The following CAPN3 variants were observed in gnomAD, a reference collection of about 807,000 sequenced individuals.
CAPN3 encodes calpain-3.
A neutral mutation model predicts 114.0 loss-of-function variants in CAPN3; 88 were observed. The observed-to-expected ratio is 0.77, with a 90% confidence interval of 0.65 to 0.92. The LOEUF is 0.92. Ranked by LOEUF, CAPN3 falls within the 40% of genes least tolerant of loss-of-function variation. The probability of loss-of-function intolerance (pLI) is 0.00; values close to 1 mark genes in which losing one functional copy is unlikely to be tolerated. For synonymous variants in CAPN3, 386 were observed against 382.9 expected, an observed-to-expected ratio of 1.01 and a Z score of -0.09; for missense variants, 1,028 against 1,069.0, an observed-to-expected ratio of 0.96 and a Z score of 0.53.
Position 42,409,381 on chromosome 15 carries a change from G to A in CAPN3, c.1992+1G>A. 1 of 1,613,882 alleles carries A rather than the reference G, an allele frequency of 6.2e-7. No homozygotes were observed. The highest frequency in any genetic ancestry group is 1.3e-5 in the African/African-American group (1 of 75,048). The stretch of plus-strand genomic sequence containing the variant: ...CATTTTCAAGCAGATAGCAGGAGAT[G>A]TGAGTACCTCCAAGCCCAGGACGCC... On this transcript the variant is annotated splice_donor_variant, in intron 17 of 23. Transcript: ENST00000397163. LOFTEE classifies it high-confidence loss of function.
chr15:42,401,475 C>CG (rs1195603752), intron 10 of CAPN3, among the ~76,000 whole-genome samples, 166 bp from the exon 11 acceptor site: 4 of 30,660 alleles, frequency 1.3e-4, no homozygotes, highest in Admixed American at 9.7e-4. Flanking sequence ...AAGGTAGCGC[C>CG]CCCCCCCCCC....
chr15:42,401,081 C>T (rs1215514537), intron 10 of CAPN3, among the ~76,000 whole-genome samples: 1 of 151,876 alleles, frequency 6.6e-6, no homozygotes, highest in East Asian at 1.9e-4. Flanking sequence ...GTAATCCCAG[C>T]TACTTGGGAG....
chr15:42,376,028 A>G (rs1269322377), intron 1 of CAPN3, among the ~76,000 whole-genome samples: 3 of 152,182 alleles, frequency 2.0e-5, no homozygotes, highest in African/African-American at 4.8e-5. Flanking sequence ...ATGACCCTCA[A>G]TTGGCATTTG....
At chr15:42,402,156 A>C in intron 12 of CAPN3, 21 bp downstream of exon 12, 1 of 1,614,066 alleles carries the variant, frequency 6.2e-7, no homozygotes, top group Non-Finnish European at 8.5e-7. Context: ...AGCAGCGGCC[A>C]GCAGTTGTGT....
intron 2 of CAPN3, 70 bp downstream of exon 2, chr15:42,384,622 A>G (rs1170834123): frequency 9.0e-7 from 1 of 1,106,382 alleles, no homozygotes; most frequent in Non-Finnish European, 1.4e-6. Context: ...ATCCCCTTCC[A>G]GGAGGTAAAG....
At chr15:42,403,366 G>A (rs779697576) in intron 13 of CAPN3, among the ~76,000 whole-genome samples, 2 of 152,186 alleles carry the variant, frequency 1.3e-5, no homozygotes, top group Admixed American at 6.5e-5. Context: ...GGGATAGGAG[G>A]TGTTGGGGAT....
intron 1 of CAPN3, among the ~76,000 whole-genome samples, chr15:42,379,036 G>A (rs1255599215): frequency 3.3e-5 from 5 of 152,108 alleles, no homozygotes; most frequent in Admixed American, 6.5e-5. Flanking sequence ...ATTGGTTGCC[G>A]GACGCAGTGG....
chr15:42,387,782 G>A lies in CAPN3; in HGVS notation c.528G>A (p.Val176=). The A allele has an allele frequency of 6.2e-7, 1 of 1,614,186 alleles. No individual in the cohort carries two copies. The highest frequency in any genetic ancestry group is 8.5e-7 in the Non-Finnish European group (1 of 1,180,026). ...GGCGCTATGGAGAGTGGGTGGACGTGGTTATAGATGACTGCCTGCCAACGT... is the reference window on the plus strand; with the variant it reads ...GGCGCTATGGAGAGTGGGTGGACGTAGTTATAGATGACTGCCTGCCAACGT... ...QFWRYGEWVD[V]VIDDCLPTYN... Residue 176 remains valine, a synonymous_variant, in exon 4 of 24, where the codon GTG becomes GTA. Transcript: ENST00000397163.
At chr15:42,379,117 G>A (rs1306823372) in intron 1 of CAPN3, among the ~76,000 whole-genome samples, 1 of 152,122 alleles carries the variant, frequency 6.6e-6, no homozygotes, top group Non-Finnish European at 1.5e-5. Flanking sequence ...TTCGAGACCA[G>A]CCTGACCAAC....
intron 1 of CAPN3, among the ~76,000 whole-genome samples, chr15:42,383,032 T>C (rs185090035): frequency 4.6e-5 from 7 of 152,372 alleles, no homozygotes; most frequent in Non-Finnish European, 8.8e-5. Context: ...CCTCCCCATA[T>C]AGGTAAACGT....
Position 42,412,211 on chromosome 15 carries a change from A to G in CAPN3, c.*438A>G. The G allele has an allele frequency of 6.5e-7, 1 of 1,534,912 alleles. No individual in the cohort carries two copies. Among genetic ancestry groups the G allele is most frequent in the Non-Finnish European group, 8.7e-7 (1 of 1,145,890 alleles). On this transcript the variant is annotated 3_prime_UTR_variant, in exon 24 of 24. Coordinates refer to ENST00000397163, the MANE Select transcript of CAPN3 (RefSeq NM_000070.3). ...GCACTGGGTTCTACTGCTGTGGGGT[A>G]AACTAACTCAGTGGAATAGGGCTGG...
At position 42,359,960 on chromosome 15, in the gene CAPN3, C is replaced by T; in HGVS notation, c.155C>T (p.Pro52Leu). The change falls in exon 1 of 24, where the codon CCT becomes CTT. Residue 52 changes from proline (P) to leucine (L), a missense_variant. Coordinates refer to ENST00000397163, the MANE Select transcript of CAPN3 (RefSeq NM_000070.3). ...TCAGCCATCATCAGCCGCAATTTTC[C>T]TATTATCGGAGTGAAAGAGAAGACA... The part of the protein sequence containing the change: ...IYSAIISRNF[P>L]IIGVKEKTFE... 5 of 1,614,188 alleles carry T rather than the reference C, an allele frequency of 3.1e-6. No homozygotes were observed. The highest frequency in any genetic ancestry group is 1.1e-5 in the South Asian group (1 of 91,080).
intron 9 of CAPN3, among the ~76,000 whole-genome samples, chr15:42,397,846 A>T (rs1260134168): frequency 6.6e-6 from 1 of 151,876 alleles, no homozygotes; most frequent in East Asian, 1.9e-4. Context: ...AACATATGGG[A>T]CCCCAACTCT....
Position 42,386,185 on chromosome 15 carries a change from C to T in CAPN3, c.398C>T (p.Ala133Val), listed in dbSNP as rs774685118. 34 of 1,613,554 alleles carry T rather than the reference C, an allele frequency of 2.1e-5. 1 individual carries two copies. Among genetic ancestry groups the T allele is most frequent in the South Asian group, 1.9e-4 (17 of 91,080 alleles). Reference sequence around the variant, plus strand: ...CCTGCAGGGGACTGCTGGTTTCTCGCAGCCATTGCCTGCCTGACCCTGAAC... The same window carrying T: ...CCTGCAGGGGACTGCTGGTTTCTCGTAGCCATTGCCTGCCTGACCCTGAAC... The part of the protein sequence containing the change: ...QGELGDCWFL[A>V]AIACLTLNQH... The change falls in exon 3 of 24, where the codon GCA becomes GTA. Residue 133 changes from alanine (A) to valine (V), a missense_variant. Physicochemically the swap from Ala to Val is moderately conservative, Grantham distance 64 (BLOSUM62 0). Transcript: ENST00000397163.
In CAPN3 at chr15:42,380,749, ATATTTT is replaced by A. The variant is rs1227549687; in HGVS notation, c.310-3732_310-3727del. On this transcript the variant is annotated intron_variant, in intron 1 of 23. Coordinates refer to ENST00000397163, the MANE Select transcript of CAPN3 (RefSeq NM_000070.3). ...TCCCCATATATATATATATATATAT[ATATTTT>A]TTTTTTTTTTTTTTTTGTAAAGATG... Among the ~76,000 whole-genome samples, 60 of 59,474 alleles carry A rather than the reference ATATTTT, an allele frequency of 1.0e-3. No homozygotes were observed. In the South Asian group the frequency reaches 0.011, roughly 11 times the overall value. The allele number at this position is 59,474 out of a possible 152,430, so 39.0% of individuals were successfully genotyped here.
At chr15:42,374,794 C>CT (rs66487749) in intron 1 of CAPN3, among the ~76,000 whole-genome samples, 2,608 of 85,392 alleles carry the variant, frequency 0.031, 119 homozygotes, top group Middle Eastern at 0.033. Context: ...TATCATGTCT[C>CT]TTTTTTTTTT....
intron 14 of CAPN3, among the ~76,000 whole-genome samples, chr15:42,405,115 G>A (rs1187837280): frequency 6.6e-6 from 1 of 152,194 alleles, no homozygotes; most frequent in Non-Finnish European, 1.5e-5. Flanking sequence ...TGGCTCAGCT[G>A]ATAGTTGCCG....
intron 8 of CAPN3, among the ~76,000 whole-genome samples, chr15:42,396,020 C>T (rs1245661174): frequency 6.6e-6 from 1 of 152,190 alleles, no homozygotes; most frequent in African/African-American, 2.4e-5. Flanking sequence ...TGGCCTTTTT[C>T]CTTAGTAAAT....
chr15:42,408,784 A>G, intron 16 of CAPN3: 5 of 323,392 alleles, frequency 1.5e-5, no homozygotes, highest in South Asian at 1.4e-4. Context: ...GGTGAGCCTT[A>G]GAGGCAAAAG....
Sources: gnomAD v4.1 joint callset for allele counts (sites outside exome capture counted in the v4.1 genomes callset) on GRCh38, gnomAD v4.1.1 for gene constraint, MANE v1.5 for transcripts, NCBI Gene and HGNC (gene_info 2026-07-23, HGNC 2026-07-21) for gene names.